Variants in KAZN observed in about 807,000 individuals in gnomAD.
KAZN encodes kazrin.
A neutral mutation model predicts 87.4 loss-of-function variants in KAZN; 40 were observed. The ratio of observed to expected loss-of-function variants is 0.46; its 90% CI spans 0.36 to 0.60. The LOEUF (loss-of-function observed/expected upper bound fraction) is 0.60. Ranked by LOEUF, KAZN falls within the 20% of genes least tolerant of loss-of-function variation. KAZN has a pLI of 0.00. For missense variants in KAZN, 898 were observed against 1,073.9 expected (o/e 0.84, Z 2.29); for synonymous variants, 466 against 458.3 (o/e 1.02, Z -0.22).
At chr1:14,658,655 GCTCTCTAAGCCAT>G (rs200103038) in intron 1 of KAZN, among the ~76,000 whole-genome samples, 1,956 of 152,158 alleles carry the variant, frequency 0.013, 21 homozygotes, top group Middle Eastern at 0.031. Context: ...AGGGAGTTTG[GCTCTCTAAGCCAT>G]CTCTTGAATC....
intron 2 of KAZN, among the ~76,000 whole-genome samples, chr1:14,537,658 G>A (rs552681337): frequency 3.9e-5 from 6 of 152,238 alleles, no homozygotes; most frequent in East Asian, 1.9e-4. Flanking sequence ...CCCCTACCTC[G>A]CCAGGTTGGT....
intron 1 of KAZN, among the ~76,000 whole-genome samples, chr1:14,869,784 C>T (rs1410741295): frequency 6.6e-6 from 1 of 152,180 alleles, no homozygotes; most frequent in African/African-American, 2.4e-5. Flanking sequence ...AGGTGAGACT[C>T]CCTTCATTTT....
chr1:14,926,056 T>C (rs1557627344), intron 1 of KAZN, among the ~76,000 whole-genome samples: 1 of 152,248 alleles, frequency 6.6e-6, no homozygotes, highest in Non-Finnish European at 1.5e-5. Flanking sequence ...TCATTCACCA[T>C]AAATGCTTAA....
At chr1:14,095,537 A>C (rs1644107895) in intron 1 of KAZN, among the ~76,000 whole-genome samples, 1 of 152,154 alleles carries the variant, frequency 6.6e-6, no homozygotes, top group African/African-American at 2.4e-5. Context: ...ATGTCTGGGG[A>C]TCCAGGTTGG....
intron 1 of KAZN, among the ~76,000 whole-genome samples, chr1:14,159,201 TC>T (rs1557524031): frequency 6.6e-6 from 1 of 152,106 alleles, no homozygotes; most frequent in South Asian, 2.1e-4. Flanking sequence ...GGTGATGAGT[TC>T]CCCCAGGCTC....
intron 2 of KAZN, among the ~76,000 whole-genome samples, chr1:14,378,545 C>T (rs7545158): frequency 0.26 from 38,815 of 152,050 alleles, 5,849 homozygotes; most frequent in African/African-American, 0.43. Flanking sequence ...TGGTAGTGAC[C>T]GCATGGCATG....
chr1:15,080,459 C>T (rs1265078616), intron 8 of KAZN, among the ~76,000 whole-genome samples: 6 of 152,074 alleles, frequency 3.9e-5, no homozygotes, highest in Admixed American at 2.0e-4. Flanking sequence ...CCATCAGCCC[C>T]CAGCAGCCAC....
chr1:14,630,940 AAATC>A (rs1270296840), intron 1 of KAZN, among the ~76,000 whole-genome samples: 1 of 152,218 alleles, frequency 6.6e-6, no homozygotes, highest in East Asian at 1.9e-4. Flanking sequence ...ATAAAAGTAA[AAATC>A]AATATGTTTA....
At position 14,320,450 on chromosome 1, in the gene KAZN, C is replaced by T. The variant is rs553833557; in HGVS notation, c.249+139858C>T. On this transcript the variant is annotated intron_variant, in intron 2 of 16. Coordinates refer to the KAZN transcript ENST00000636203. Reference sequence around the variant, plus strand: ...ATTTAATATCTTTTCTCATGTTAGGCTTATCTCTAACTGCTTCCAAATGAT... The same window carrying T: ...ATTTAATATCTTTTCTCATGTTAGGTTTATCTCTAACTGCTTCCAAATGAT... 3.3e-4 allele frequency among the ~76,000 whole-genome samples: 50 copies of T among 152,214 alleles called. No individual in the cohort carries two copies. The South Asian group carries it at 0.01, about 32-fold the overall frequency.
chr1:14,400,494 T>C lies in KAZN; in HGVS notation c.250-198489T>C, dbSNP rs146429384. Among the ~76,000 whole-genome samples, 560 of 152,290 alleles carry C rather than the reference T, an allele frequency of 3.7e-3. 9 individuals are homozygous for C. Among genetic ancestry groups the C allele is most frequent in the African/African-American group, 0.013 (534 of 41,554 alleles). On this transcript the variant is annotated intron_variant, in intron 2 of 16. Coordinates refer to the KAZN transcript ENST00000636203. ...AAGGTCACAGAACTGGTAGCAGATC[T>C]GGGATCAGAACCCAGCACTCCAGCT...
chr1:14,860,022 G>C (rs530477170), intron 1 of KAZN, among the ~76,000 whole-genome samples: 33 of 152,232 alleles, frequency 2.2e-4, no homozygotes, highest in African/African-American at 7.9e-4. Context: ...CTTTGAACAA[G>C]AGCAGGAAGG....
chr1:15,102,074 T>G (rs1641092506), intron 11 of KAZN, among the ~76,000 whole-genome samples: 1 of 152,130 alleles, frequency 6.6e-6, no homozygotes, highest in Admixed American at 6.5e-5. Flanking sequence ...CCCTCATCCT[T>G]GGAGAGCTAA....
intron 2 of KAZN, among the ~76,000 whole-genome samples, chr1:14,315,159 A>T (rs1041900771): frequency 3.9e-5 from 6 of 152,112 alleles, no homozygotes; most frequent in African/African-American, 1.4e-4. Context: ...TATGACAGTC[A>T]CTTCTTTCAT....
At chr1:14,027,983 T>C (rs1336718013) in intron 1 of KAZN, among the ~76,000 whole-genome samples, 1 of 152,174 alleles carries the variant, frequency 6.6e-6, no homozygotes, top group Non-Finnish European at 1.5e-5. Flanking sequence ...TCTGTCTTTG[T>C]AGAGATGGTG....
In KAZN at chr1:15,105,561, GT is replaced by G. The variant is rs60152207; in HGVS notation, c.2048+1383del. Among the ~76,000 whole-genome samples the G allele has an allele frequency of 1.7e-3, 249 of 143,510 alleles. 1 individual carries two copies. Among genetic ancestry groups the G allele is most frequent in the Admixed American group, 3.2e-3 (46 of 14,370 alleles). 94.1% of individuals were successfully genotyped at this position (143,510 alleles called of 152,430 possible). A position where few individuals can be genotyped will look rare whatever the true frequency, so the allele number is the denominator to read the frequency against. The stretch of plus-strand genomic sequence containing the variant: ...TTTTAGTGATCTGAGTTTGAGTTTT[GT>G]TTTTTTTTTTAATCAGCCTATCTAA... On this transcript the variant is annotated intron_variant, in intron 13 of 14. Transcript: ENST00000376030.
chr1:14,121,085 G>A (rs1476902198), intron 1 of KAZN, among the ~76,000 whole-genome samples: 4 of 152,166 alleles, frequency 2.6e-5, no homozygotes, highest in Admixed American at 6.5e-5. Context: ...AAGCAGAGGC[G>A]AGAGAAGGAG....
chr1:14,077,757 A>T (rs1379578349), intron 1 of KAZN, among the ~76,000 whole-genome samples: 1 of 152,200 alleles, frequency 6.6e-6, no homozygotes, highest in Non-Finnish European at 1.5e-5. Context: ...AATCTAAGTT[A>T]AAAAGAGGTC....
intron 1 of KAZN, among the ~76,000 whole-genome samples, chr1:14,748,905 C>T (rs1644334434): frequency 6.6e-6 from 1 of 152,170 alleles, no homozygotes; most frequent in African/African-American, 2.4e-5. Context: ...TATCCCAATT[C>T]AGTTAAGTGA....
At chr1:14,044,705 T>C (rs886525382) in intron 1 of KAZN, among the ~76,000 whole-genome samples, 2 of 152,204 alleles carry the variant, frequency 1.3e-5, no homozygotes, top group African/African-American at 4.8e-5. Context: ...GCCACTCTAG[T>C]AGATGAATGT....
Sources: allele counts gnomAD v4.1 joint callset (sites outside exome capture counted in the v4.1 genomes callset), GRCh38; gene constraint gnomAD v4.1.1; transcripts MANE v1.5; gene names NCBI Gene and HGNC (gene_info 2026-07-23, HGNC 2026-07-21).